The following RPS6KA2 variants were observed in gnomAD, a reference collection of about 807,000 sequenced individuals.
RPS6KA2 encodes ribosomal protein S6 kinase A2.
In RPS6KA2, 42 loss-of-function variants were observed where a neutral mutation model predicts 91.8. That is an observed-to-expected ratio of 0.46 (90% confidence interval 0.36 to 0.59). The LOEUF (loss-of-function observed/expected upper bound fraction) is 0.59, where lower values mean the gene tolerates loss of function less well. Ranked by LOEUF, RPS6KA2 falls within the 20% of genes least tolerant of loss-of-function variation. The probability of loss-of-function intolerance (pLI) is 0.00; values close to 1 mark genes in which losing one functional copy is unlikely to be tolerated. For synonymous variants in RPS6KA2, 414 were observed against 393.6 expected, an observed-to-expected ratio of 1.05 and a Z score of -0.61; for missense variants, 798 against 978.5, an observed-to-expected ratio of 0.82 and a Z score of 2.46.
rs149702729 is a variant in RPS6KA2, at chr6:166,453,197, T to TCACACA, written c.1076-1970_1076-1965dup. On this transcript the variant is annotated intron_variant, in intron 12 of 20. Coordinates refer to ENST00000265678, the MANE Select transcript of RPS6KA2 (RefSeq NM_021135.6). ...GCCTGGGCGACAGAGTGAGACTCCA[T>TCACACA]CACACACACACACACACACACACAC... 2.8e-3 allele frequency among the ~76,000 whole-genome samples: 395 copies of TCACACA among 141,228 alleles called. 1 individual carries two copies. The highest frequency in any genetic ancestry group is 0.019 in the South Asian group (83 of 4,298). The allele number at this position is 141,228 out of a possible 152,430, so 92.7% of individuals were successfully genotyped here.
exon 1 of RPS6KA2, chr6:166,862,415 C>T (rs2128635647): frequency 7.4e-7 from 1 of 1,353,060 alleles, no homozygotes; most frequent in Admixed American, 3.1e-5. Context: ...CGTCCCCTCC[C>T]TGCCAAGCCA....
chr6:166,808,916 C>A (rs964674754), intron 2 of RPS6KA2, among the ~76,000 whole-genome samples: 1 of 152,160 alleles, frequency 6.6e-6, no homozygotes, highest in African/African-American at 2.4e-5. Flanking sequence ...GCCTAATTAA[C>A]TGTGAAAAAA....
rs902880654 is a variant in RPS6KA2, at chr6:166,849,061, C to T, written c.123+9139G>A. On this transcript the variant is annotated intron_variant, in intron 2 of 21. Coordinates refer to the RPS6KA2 transcript ENST00000503859. This position sits in a 1 kb window ranked among gnomAD's most constrained non-coding sequence, Gnocchi z 4.9. Reference sequence around the variant, plus strand: ...AATCCTGACATCACACTCTTCTCTCCACATGCATCTCAGGCCAGCCTGGGC... The same window carrying T: ...AATCCTGACATCACACTCTTCTCTCTACATGCATCTCAGGCCAGCCTGGGC... Among the ~76,000 whole-genome samples the T allele has an allele frequency of 1.3e-5, 2 of 152,134 alleles. No individual in the cohort carries two copies. Among genetic ancestry groups the T allele is most frequent in the East Asian group, 3.9e-4 (2 of 5,184 alleles).
At chr6:166,783,242 G>A (rs1282731799) in intron 2 of RPS6KA2, among the ~76,000 whole-genome samples, 2 of 151,652 alleles carry the variant, frequency 1.3e-5, no homozygotes, top group Non-Finnish European at 2.9e-5. Context: ...CAGGAGCCAC[G>A]TGATTAACAT....
chr6:166,563,149 C>A lies in RPS6KA2; in HGVS notation c.100-24365G>T, dbSNP rs577682303. On this transcript the variant is annotated intron_variant, in intron 1 of 20. Transcript: ENST00000265678. The surrounding 1 kb of genome is among the most constrained non-coding windows in gnomAD (Gnocchi z 4.1). Reference sequence around the variant, plus strand: ...GCAATGACTGGAGGGTGGGAGTGGACGAAGTTTATTCTGGAGACAACAAGG... The same window carrying A: ...GCAATGACTGGAGGGTGGGAGTGGAAGAAGTTTATTCTGGAGACAACAAGG... 1.3e-5 allele frequency among the ~76,000 whole-genome samples: 2 copies of A among 152,052 alleles called. No individual in the cohort carries two copies. The highest frequency in any genetic ancestry group is 3.9e-4 in the East Asian group (2 of 5,192).
chr6:166,564,027 G>T (rs558566714), intron 1 of RPS6KA2, among the ~76,000 whole-genome samples: 48 of 152,326 alleles, frequency 3.2e-4, no homozygotes, highest in Admixed American at 7.2e-4. Context: ...CACTGAGTAG[G>T]AACAGTTTGC....
chr6:166,448,247 T>C lies in RPS6KA2; in HGVS notation c.1332+477A>G, dbSNP rs954404610. Among the ~76,000 whole-genome samples, 1 of 152,232 alleles carries C rather than the reference T, an allele frequency of 6.6e-6. No individual in the cohort carries two copies. Among genetic ancestry groups the C allele is most frequent in the Non-Finnish European group, 1.5e-5 (1 of 68,050 alleles). ...TTTGAGTATTTTCTTCCTCCCTTTT[T>C]TCTTTCCTTCCTTTCCTTGCCAAAT... On this transcript the variant is annotated intron_variant, in intron 14 of 20. Coordinates refer to ENST00000265678, the MANE Select transcript of RPS6KA2 (RefSeq NM_021135.6). The surrounding 1 kb of genome is among the most constrained non-coding windows in gnomAD (Gnocchi z 4.7).
chr6:166,701,099 T>C, intron 2 of RPS6KA2: 2 of 1,608,532 alleles, frequency 1.2e-6, no homozygotes. Flanking sequence ...GAGCCTTACT[T>C]CCGTCTTGAC....
rs1045033023 is a variant in RPS6KA2 at position 166,789,299 on chromosome 6, C to T, written c.123+68901G>A. On this transcript the variant is annotated intron_variant, in intron 2 of 21. Transcript: ENST00000503859. ...CTAAGATCAAACTGCAAGGCTGCATCGAGGCTGGGGGAGGGGCGCCCGCCA... is the reference window on the plus strand; with the variant it reads ...CTAAGATCAAACTGCAAGGCTGCATTGAGGCTGGGGGAGGGGCGCCCGCCA... Among the ~76,000 whole-genome samples, 8 of 152,308 alleles carry T rather than the reference C, an allele frequency of 5.3e-5. No individual in the cohort carries two copies. In the East Asian group the frequency reaches 5.8e-4, roughly 11 times the overall value.
intron 2 of RPS6KA2, among the ~76,000 whole-genome samples, chr6:166,695,582 G>A (rs549992449): frequency 1.3e-5 from 2 of 152,234 alleles, no homozygotes; most frequent in Non-Finnish European, 2.9e-5. Flanking sequence ...GAACCAGGCC[G>A]CACAGCAGGA....
rs531233663 is a variant in RPS6KA2 at position 166,493,920 on chromosome 6, G to A, written c.748-3179C>T. On this transcript the variant is annotated intron_variant, in intron 8 of 20. Coordinates refer to ENST00000265678, the MANE Select transcript of RPS6KA2 (RefSeq NM_021135.6). The surrounding 1 kb of genome is among the most constrained non-coding windows in gnomAD (Gnocchi z 4.7). ...AAGGGACAGCTAAGGAACCTGGAAA[G>A]AGTGGCGGCCCCGGCACAGGCAGGA... Among the ~76,000 whole-genome samples the A allele has an allele frequency of 2.1e-3, 326 of 152,338 alleles. No homozygotes were observed. The highest frequency in any genetic ancestry group is 7.3e-3 in the African/African-American group (302 of 41,578).
At chr6:166,702,961 A>T in intron 2 of RPS6KA2, 1 of 572,578 alleles carries the variant, frequency 1.7e-6, no homozygotes, top group Non-Finnish European at 3.1e-6. Flanking sequence ...ATACACAAAC[A>T]CAGTAAGAAC....
rs1461872423 is a variant in RPS6KA2, at chr6:166,770,381, C to T, written c.123+87819G>A. Reference sequence around the variant, plus strand: ...GTTGCTGAGCCACACGCACTAGAGTCTGGAGGCTGGTCGGCCACCAGCCTG... The same window carrying T: ...GTTGCTGAGCCACACGCACTAGAGTTTGGAGGCTGGTCGGCCACCAGCCTG... On this transcript the variant is annotated intron_variant, in intron 2 of 21. Coordinates refer to the RPS6KA2 transcript ENST00000503859. The surrounding 1 kb of genome is among the most constrained non-coding windows in gnomAD (Gnocchi z 5.1). Among the ~76,000 whole-genome samples the T allele has an allele frequency of 6.6e-6, 1 of 152,222 alleles. No homozygotes were observed. Among genetic ancestry groups the T allele is most frequent in the Admixed American group, 6.5e-5 (1 of 15,286 alleles).
chr6:166,620,538 T>C (rs1322255369), intron 1 of RPS6KA2, among the ~76,000 whole-genome samples: 2 of 152,188 alleles, frequency 1.3e-5, no homozygotes, highest in Non-Finnish European at 1.5e-5. Flanking sequence ...AAACTTAACA[T>C]AGCTATAACC....
chr6:166,738,405 G>T (rs571221546), intron 2 of RPS6KA2, among the ~76,000 whole-genome samples: 1 of 152,274 alleles, frequency 6.6e-6, no homozygotes, highest in African/African-American at 2.4e-5. Flanking sequence ...GAGAAGAAAA[G>T]GGTCTAAGGC....
chr6:166,824,726 T>G (rs1035589036), intron 2 of RPS6KA2, among the ~76,000 whole-genome samples: 1 of 151,354 alleles, frequency 6.6e-6, no homozygotes, highest in Non-Finnish European at 1.5e-5. Context: ...TGTGTGTATG[T>G]CTGTGTCTGT....
chr6:166,410,770 T>G lies in RPS6KA2; in HGVS notation c.*1992A>C, dbSNP rs531505504. The G allele has an allele frequency of 7.2e-5, 11 of 151,974 alleles. No individual in the cohort carries two copies. Among genetic ancestry groups the G allele is most frequent in the Non-Finnish European group, 1.6e-4 (11 of 67,998 alleles). 9.4% of individuals were successfully genotyped at this position (151,974 alleles called of 1,614,324 possible). ...TCCCTGCACCAGAACCCACTGACTTTAAGCAAACAGACAGGCCTGCACACC... is the reference window on the plus strand; with the variant it reads ...TCCCTGCACCAGAACCCACTGACTTGAAGCAAACAGACAGGCCTGCACACC... On this transcript the variant is annotated 3_prime_UTR_variant, in exon 21 of 21. Coordinates refer to ENST00000265678, the MANE Select transcript of RPS6KA2 (RefSeq NM_021135.6).
intron 2 of RPS6KA2, among the ~76,000 whole-genome samples, chr6:166,831,861 A>G (rs1202691718): frequency 1.3e-5 from 2 of 151,742 alleles, no homozygotes; most frequent in Non-Finnish European, 2.9e-5. Context: ...ATAGATACAT[A>G]TATACATAGA....
intron 1 of RPS6KA2, among the ~76,000 whole-genome samples, chr6:166,580,696 A>C: frequency 6.9e-6 from 1 of 144,284 alleles, no homozygotes; most frequent in South Asian, 2.5e-4. Context: ...GTGGGTCCCC[A>C]GTGAGGACGG....
Sources: allele counts gnomAD v4.1 joint callset (sites outside exome capture counted in the v4.1 genomes callset), GRCh38; gene constraint gnomAD v4.1.1; non-coding constraint Gnocchi (gnomAD v3.1); transcripts MANE v1.5; gene names NCBI Gene and HGNC (gene_info 2026-07-23, HGNC 2026-07-21).